The following SGCD variants were observed in gnomAD, a reference collection of about 807,000 sequenced individuals.
SGCD encodes the protein delta-sarcoglycan.
SGCD carries 18 observed loss-of-function variants against 36.6 expected under a neutral mutation model. That is an observed-to-expected ratio of 0.49 (90% CI 0.34 to 0.73). The LOEUF is 0.73. SGCD is among the 30% of genes least tolerant of loss of function. SGCD has a pLI of 0.01. For missense variants in SGCD, 387 were observed against 346.7 expected (o/e 1.12, Z -0.92); for synonymous variants, 133 against 130.6 (o/e 1.02, Z -0.12).
At chr5:156,244,255 T>C (rs187495) in intron 3 of SGCD, among the ~76,000 whole-genome samples, 88,640 of 151,868 alleles carry the variant, frequency 0.58, 26,035 homozygotes, top group East Asian at 0.69. Context: ...AAGACCCTGA[T>C]AGTCAAGAAA....
At chr5:156,670,179 A>G (rs1248099473) in intron 7 of SGCD, among the ~76,000 whole-genome samples, 1 of 152,214 alleles carries the variant, frequency 6.6e-6, no homozygotes, top group Non-Finnish European at 1.5e-5. Flanking sequence ...TAAAAATCAT[A>G]ATGAGAGGGT....
At chr5:156,081,456 G>A (rs1760950168) in intron 1 of SGCD, among the ~76,000 whole-genome samples, 1 of 152,094 alleles carries the variant, frequency 6.6e-6, no homozygotes, top group Non-Finnish European at 1.5e-5. Flanking sequence ...GCAGTGGCAC[G>A]ATCATAGTTC....
intron 7 of SGCD, among the ~76,000 whole-genome samples, chr5:156,756,847 G>A (rs561893468): frequency 3.7e-4 from 56 of 151,846 alleles, no homozygotes; most frequent in South Asian, 1.5e-3. Flanking sequence ...TCCCCTCCCA[G>A]CCCCTGGCAA....
At chr5:156,605,321 A>G (rs532850021) in intron 6 of SGCD, among the ~76,000 whole-genome samples, 99 of 152,058 alleles carry the variant, frequency 6.5e-4, no homozygotes, top group Non-Finnish European at 1.4e-3. Context: ...TGTCCTTGCA[A>G]TAGTTTGCTG....
chr5:155,913,111 C>T (rs183852695), intron 1 of SGCD, among the ~76,000 whole-genome samples: 30 of 152,262 alleles, frequency 2.0e-4, no homozygotes, highest in Middle Eastern at 3.4e-3. Flanking sequence ...CTTTCCTACT[C>T]TTTGGTAACG....
At chr5:156,615,337 G>GT (rs1187636818) in intron 6 of SGCD, among the ~76,000 whole-genome samples, 2 of 152,206 alleles carry the variant, frequency 1.3e-5, no homozygotes, top group Non-Finnish European at 2.9e-5. Flanking sequence ...CTGTAGATTA[G>GT]TTTTTTAAAT....
chr5:156,643,139 T>G (rs1763101751), intron 6 of SGCD, among the ~76,000 whole-genome samples: 1 of 151,450 alleles, frequency 6.6e-6, no homozygotes, highest in South Asian at 2.1e-4. Flanking sequence ...TTCAAGGGAT[T>G]CTCCTGCCTC....
At chr5:156,749,416 TAAATTTATGAAC>T (rs1178997146) in intron 7 of SGCD, among the ~76,000 whole-genome samples, 1 of 152,098 alleles carries the variant, frequency 6.6e-6, no homozygotes, top group Non-Finnish European at 1.5e-5. Flanking sequence ...ACAAGACAGA[TAAATTTATGAAC>T]TAAACATAAA....
chr5:155,731,659 T>C, the SGCD span, among the ~76,000 whole-genome samples: 1 of 152,352 alleles, frequency 6.6e-6, no homozygotes, highest in Admixed American at 6.5e-5. Context: ...TCTGGGTAAA[T>C]ACATGTTGGA....
chr5:156,352,496 A>G (rs1464842424), intron 3 of SGCD, among the ~76,000 whole-genome samples: 1 of 152,216 alleles, frequency 6.6e-6, no homozygotes, highest in Non-Finnish European at 1.5e-5. Context: ...TGCAGACCAC[A>G]CAAAGGAGAT....
At chr5:155,936,340 A>G (rs1757200570) in intron 1 of SGCD, among the ~76,000 whole-genome samples, 1 of 152,104 alleles carries the variant, frequency 6.6e-6, no homozygotes, top group Non-Finnish European at 1.5e-5. Flanking sequence ...GAGTGATAGA[A>G]CAGCTCAGGG....
chr5:155,829,313 A>T, the SGCD span, among the ~76,000 whole-genome samples: 415 of 152,264 alleles, frequency 2.7e-3, 2 homozygotes, highest in East Asian at 0.013. Flanking sequence ...ACATTGCTCC[A>T]TGTTGAAGTG....
At chr5:156,724,273 G>A (rs1303187515) in intron 7 of SGCD, among the ~76,000 whole-genome samples, 2 of 152,156 alleles carry the variant, frequency 1.3e-5, no homozygotes, top group African/African-American at 2.4e-5. Flanking sequence ...TTACTGTTAT[G>A]TAACCAATGG....
At chr5:156,691,853 A>G (rs1041323753) in intron 7 of SGCD, among the ~76,000 whole-genome samples, 1 of 152,246 alleles carries the variant, frequency 6.6e-6, no homozygotes, top group Non-Finnish European at 1.5e-5. Context: ...TATAAAATGT[A>G]TGTATATTAG....
intron 1 of SGCD, among the ~76,000 whole-genome samples, chr5:156,094,697 A>C (rs1336935278): frequency 1.3e-5 from 2 of 152,066 alleles, no homozygotes; most frequent in East Asian, 3.9e-4. Context: ...TCTGGGGAGG[A>C]AGGAGATAGA....
At chr5:156,142,972 T>C (rs905997896) in intron 3 of SGCD, among the ~76,000 whole-genome samples, 12 of 152,036 alleles carry the variant, frequency 7.9e-5, no homozygotes, top group Non-Finnish European at 1.3e-4. Flanking sequence ...GCCAAGACAA[T>C]GGGGAAACGG....
chr5:156,009,494 G>A (rs1581039799), intron 1 of SGCD, among the ~76,000 whole-genome samples: 1 of 152,080 alleles, frequency 6.6e-6, no homozygotes, highest in East Asian at 1.9e-4. Flanking sequence ...CAGATTGTTG[G>A]GGACATTAAT....
At chr5:156,250,113 G>GC (rs1765538848) in intron 3 of SGCD, among the ~76,000 whole-genome samples, 1 of 152,062 alleles carries the variant, frequency 6.6e-6, no homozygotes, top group East Asian at 1.9e-4. Context: ...TCACTTTCCT[G>GC]CTTGGGTATT....
intron 3 of SGCD, among the ~76,000 whole-genome samples, chr5:156,195,309 G>A (rs1763996926): frequency 6.6e-6 from 1 of 152,102 alleles, no homozygotes; most frequent in Admixed American, 6.6e-5. Context: ...GGGTAAACGT[G>A]GGTTTGCATT....
Sources: gnomAD v4.1 joint callset for allele counts (sites outside exome capture counted in the v4.1 genomes callset) on GRCh38, gnomAD v4.1.1 for gene constraint, MANE v1.5 for transcripts, NCBI Gene and HGNC (gene_info 2026-07-23, HGNC 2026-07-21) for gene names.